Variants in SEC16B observed in about 807,000 individuals in gnomAD.
SEC16B encodes SEC16 homolog B, endoplasmic reticulum export factor.
Under a neutral mutation model 141.8 loss-of-function variants are expected in SEC16B, and 115 were observed. That is an observed-to-expected ratio of 0.81 (90% CI 0.70 to 0.95). SEC16B has a LOEUF of 0.95. SEC16B is among the 40% of genes least tolerant of loss of function. SEC16B has a pLI of 0.00. For missense variants in SEC16B, 1,291 were observed against 1,312.3 expected (o/e 0.98, Z 0.25); for synonymous variants, 493 against 492.5 (o/e 1.00, Z -0.01).
chr1:177,946,170 C>A, intron 14 of SEC16B: 1 of 601,426 alleles, frequency 1.7e-6, no homozygotes, highest in Non-Finnish European at 3.0e-6. Flanking sequence ...GGCACAATAC[C>A]ACACAAAGGC....
rs761134946 is a variant in SEC16B at position 177,933,230 on chromosome 1, T to C, written c.2807A>G (p.Asp936Gly). ...AGAGCCTACCTCAGAGTCAGGGCTG[T>C]CTGAGGAGTCCTCGTCTCCAGCGGG... ...ASPAGDEDSS[D>G]SPDSEETPRA... The change falls in exon 22 of 26, where the codon GAC becomes GGC. Residue 936 changes from aspartate to glycine, a missense_variant. Physicochemically the swap from Asp to Gly is moderately conservative, Grantham distance 94. Transcript: ENST00000308284. 15 of 1,585,850 alleles carry C rather than the reference T, an allele frequency of 9.5e-6. 1 individual carries two copies. In the South Asian group the frequency reaches 1.7e-4, roughly 18 times the overall value.
chr1:177,961,016 G>T, intron 6 of SEC16B, 77 bp from the exon 7 acceptor site: 1 of 1,504,886 alleles, frequency 6.6e-7, no homozygotes, highest in Non-Finnish European at 9.0e-7. Flanking sequence ...ATATGCCACA[G>T]ATGTATTTCT....
In SEC16B at chr1:177,939,921, T is replaced by TG. The variant is rs965620860; in HGVS notation, c.2128-145dup. ...GGAAATGCTTGTATGCTTAGGGGCCTGGGGGGTCACGTGGACAGGGCTCCC... is the reference window on the plus strand; with the variant it reads ...GGAAATGCTTGTATGCTTAGGGGCCTGGGGGGGTCACGTGGACAGGGCTCCC... On this transcript the variant is annotated intron_variant, in intron 17 of 25. Transcript: ENST00000308284. 2.0e-5 allele frequency: 14 copies of TG among 687,146 alleles called. No individual in the cohort carries two copies. In the African/African-American group the frequency reaches 2.2e-4, roughly 11 times the overall value. 42.6% of individuals were successfully genotyped at this position (687,146 alleles called of 1,614,324 possible).
rs1223157965 is a variant in SEC16B at position 177,965,052 on chromosome 1, G to A, written c.528C>T (p.His176=). 2 of 1,613,408 alleles carry A rather than the reference G, an allele frequency of 1.2e-6. No individual in the cohort carries two copies. Among genetic ancestry groups the A allele is most frequent in the East Asian group, 2.2e-5 (1 of 44,846 alleles). The change falls in exon 4 of 26, where the codon CAC becomes CAT. Residue 176 remains histidine (H), a synonymous_variant. Coordinates refer to ENST00000308284, the MANE Select transcript of SEC16B (RefSeq NM_033127.4). ...GCCTCTCCTTTCACACTTACTGGAA[G>A]TGGGTCTCACTATTTGTTCCAAATG... ...HSPFGTNSET[H]FQSNSRNPCK...
In SEC16B at chr1:177,958,369, G is replaced by A; in HGVS notation, c.1135-7C>T. ...TGTCAGACCCCACCATGGACTGTAA[G>A]GCAAAGAGGATCATCTGGGGAGAAT... is the stretch of plus-strand genomic sequence containing the variant. On this transcript the variant is annotated splice_polypyrimidine_tract_variant and splice_region_variant and intron_variant, in intron 9 of 25. Coordinates refer to ENST00000308284, the MANE Select transcript of SEC16B (RefSeq NM_033127.4). 6.4e-7 allele frequency: 1 copy of A among 1,561,982 alleles called. No homozygotes were observed. The highest frequency in any genetic ancestry group is 1.2e-5 in the South Asian group (1 of 81,040).
rs535787009 is a variant in SEC16B at position 177,934,147 on chromosome 1, T to C, written c.2572-511A>G. 2.2e-4 allele frequency among the ~76,000 whole-genome samples: 34 copies of C among 151,630 alleles called. 1 individual carries two copies. The South Asian group carries it at 6.9e-3, about 31-fold the overall frequency. On this transcript the variant is annotated intron_variant, in intron 20 of 25. Coordinates refer to ENST00000308284, the MANE Select transcript of SEC16B (RefSeq NM_033127.4). The stretch of plus-strand genomic sequence containing the variant: ...CCCTTTACATTAACTTTTTTTTTTT[T>C]TGTGGTAAGATAGATACAGGATAAA...
intron 5 of SEC16B, among the ~76,000 whole-genome samples, chr1:177,963,659 T>A (rs1304586560): frequency 6.6e-6 from 1 of 152,184 alleles, no homozygotes; most frequent in African/African-American, 2.4e-5. Context: ...AATCTAAAAT[T>A]ATCCTAAAAT....
chr1:177,960,348 A>AAGGG lies in SEC16B; in HGVS notation c.988_991dup (p.Leu331SerfsTer4). The AAGGG allele has an allele frequency of 6.3e-7, 1 of 1,599,390 alleles. No homozygotes were observed. The highest frequency in any genetic ancestry group is 8.6e-7 in the Non-Finnish European group (1 of 1,168,694). On this transcript the variant is annotated frameshift_variant, in exon 8 of 26. Transcript: ENST00000308284. LOFTEE classifies it high-confidence loss of function. ...AGCTCTTACAGCACTATACCTAATCAAGGGTCCTGAGAAACTTCTCATCTC... is the reference window on the plus strand; with the variant it reads ...AGCTCTTACAGCACTATACCTAATCAAGGGAGGGTCCTGAGAAACTTCTCATCTC...
chr1:177,932,533 C>A lies in SEC16B; in HGVS notation c.2969G>T (p.Gly990Val), dbSNP rs914461590. The stretch of plus-strand genomic sequence containing the variant: ...TCCAACCCCAGCGCCCGCAGCTGCT[C>A]CCCCGCTGGATGCGGATCCTCGGCC... ...GEGRGSASSG[G>V]AAAGAGVGGL... Residue 990 changes from glycine (G) to valine (V), a missense_variant, in exon 24 of 26, where the codon GGA (glycine) becomes GTA (valine). Transcript: ENST00000308284. 6.4e-7 allele frequency: 1 copy of A among 1,560,410 alleles called. No homozygotes were observed. The highest frequency in any genetic ancestry group is 8.7e-7 in the Non-Finnish European group (1 of 1,152,808).
At chr1:177,970,533 G>C (rs564670758), upstream of SEC16B, among the ~76,000 whole-genome samples, 1 of 152,258 alleles carries the variant, frequency 6.6e-6, no homozygotes, top group East Asian at 1.9e-4. Flanking sequence ...ATGGGGAAGG[G>C]GACACGCTCA....
chr1:177,958,448 C>T (rs1652802515), intron 9 of SEC16B, 86 bp from the exon 10 acceptor site: 1 of 1,129,582 alleles, frequency 8.9e-7, no homozygotes, highest in African/African-American at 1.6e-5. Flanking sequence ...CACCAGGGAG[C>T]CTGCCTTCTT....
chr1:177,960,093 T>C (rs1652938829), intron 8 of SEC16B: 1 of 510,916 alleles, frequency 2.0e-6, no homozygotes, highest in Non-Finnish European at 3.5e-6. Flanking sequence ...AGCCTCTGCA[T>C]AATGGAACTG....
chr1:177,960,671 C>T (rs1228724936), intron 7 of SEC16B, 120 bp downstream of exon 7: 7 of 1,162,236 alleles, frequency 6.0e-6, no homozygotes, highest in African/African-American at 1.6e-5. Flanking sequence ...CCCAGTTTCC[C>T]GCAAGAGCAT....
At position 177,933,609 on chromosome 1, in the gene SEC16B, T is replaced by C; in HGVS notation, c.2599A>G (p.Ile867Val). ...GCTGAACTGGCGGAACTCTCAGAAA[T>C]ACTTCGTGGTCTAGCAGCCAATGGT... ...QTPLAARPRS[I>V]SESSASSAKE... The change falls in exon 21 of 26, where the codon ATT becomes GTT. Residue 867 changes from isoleucine to valine, a missense_variant. Transcript: ENST00000308284. The C allele has an allele frequency of 1.2e-6, 2 of 1,613,966 alleles. No individual in the cohort carries two copies. The highest frequency in any genetic ancestry group is 1.7e-6 in the Non-Finnish European group (2 of 1,179,846).
At chr1:177,970,579 G>A (rs376631521), upstream of SEC16B, among the ~76,000 whole-genome samples, 17 of 152,226 alleles carry the variant, frequency 1.1e-4, no homozygotes, top group African/African-American at 4.1e-4. Flanking sequence ...CCCAGTGTGG[G>A]TTTTTCTTAT....
upstream of SEC16B, among the ~76,000 whole-genome samples, chr1:177,975,157 C>A (rs1161641113): frequency 6.6e-6 from 1 of 152,148 alleles, no homozygotes; most frequent in Non-Finnish European, 1.5e-5. Flanking sequence ...AACGTGTGCT[C>A]AGAGTAACAA....
intron 3 of SEC16B, 38 bp downstream of exon 3, chr1:177,965,855 C>G (rs1412963285): frequency 3.7e-6 from 5 of 1,337,650 alleles, no homozygotes; most frequent in Non-Finnish European, 4.2e-6. Flanking sequence ...GCTGCCCCAT[C>G]CCCAAATCCC....
chr1:177,951,841 A>G, intron 12 of SEC16B, 73 bp downstream of exon 12: 2 of 1,186,478 alleles, frequency 1.7e-6, no homozygotes, highest in Non-Finnish European at 2.5e-6. Context: ...CCATCAGTGC[A>G]CTCCTGAGCA....
At chr1:177,964,091 G>A in intron 5 of SEC16B, 80 bp downstream of exon 5, 1 of 986,688 alleles carries the variant, frequency 1.0e-6, no homozygotes, top group Non-Finnish European at 1.5e-6. Flanking sequence ...CCATCCCCAA[G>A]GGCCCTGTTC....
Sources: allele counts gnomAD v4.1 joint callset (sites outside exome capture counted in the v4.1 genomes callset), GRCh38; gene constraint gnomAD v4.1.1; transcripts MANE v1.5; gene names NCBI Gene and HGNC (gene_info 2026-07-23, HGNC 2026-07-21).